Variants in PPP6R3 observed in about 807,000 individuals in gnomAD.
PPP6R3 encodes the protein serine/threonine-protein phosphatase 6 regulatory subunit 3.
PPP6R3 carries 38 observed loss-of-function variants against 110.7 expected under a neutral mutation model. The observed-to-expected ratio is 0.34, with a 90% CI of 0.26 to 0.45. The LOEUF (loss-of-function observed/expected upper bound fraction) is 0.45, where lower values mean the gene tolerates loss of function less well. Ranked by LOEUF, PPP6R3 falls within the 20% of genes least tolerant of loss-of-function variation. The pLI is 1.00. For missense variants in PPP6R3, 870 were observed against 1,062.4 expected (o/e 0.82, Z 2.52); for synonymous variants, 369 against 373.5 (o/e 0.99, Z 0.14).
chr11:68,544,051 T>A (rs2099334046), intron 3 of PPP6R3, among the ~76,000 whole-genome samples: 1 of 152,208 alleles, frequency 6.6e-6, no homozygotes, highest in South Asian at 2.1e-4. Flanking sequence ...ACTTTGTGTC[T>A]GTGCTGATAT....
intron 5 of PPP6R3, among the ~76,000 whole-genome samples, chr11:68,548,866 C>T (rs1255811547): frequency 3.3e-5 from 5 of 152,018 alleles, no homozygotes; most frequent in Admixed American, 3.3e-4. Flanking sequence ...TCTCTGCCTT[C>T]TCTTCTTGTC....
chr11:68,566,254 CTGCTGCTGT>C (rs972541274), intron 9 of PPP6R3, among the ~76,000 whole-genome samples: 14 of 152,232 alleles, frequency 9.2e-5, no homozygotes, highest in South Asian at 6.2e-4. Context: ...GCTGCTGCTG[CTGCTGCTGT>C]TGCTACTACT....
chr11:68,529,648 A>G (rs1404256810), intron 2 of PPP6R3, among the ~76,000 whole-genome samples: 1 of 152,234 alleles, frequency 6.6e-6, no homozygotes, highest in Non-Finnish European at 1.5e-5. Flanking sequence ...TGTTATTGCT[A>G]TAAATGTTTC....
intron 3 of PPP6R3, 63 bp from the exon 4 acceptor site, chr11:68,544,775 T>C (rs1233499927): frequency 8.6e-7 from 1 of 1,163,924 alleles, no homozygotes; most frequent in Non-Finnish European, 1.2e-6. Flanking sequence ...TTCTGATTTG[T>C]GTTTATCTTT....
At chr11:68,593,048 G>A (rs961070111) in intron 18 of PPP6R3, among the ~76,000 whole-genome samples, 3 of 152,144 alleles carry the variant, frequency 2.0e-5, no homozygotes, top group Non-Finnish European at 2.9e-5. Flanking sequence ...CATACTTGAC[G>A]TAAACTGCAT....
chr11:68,536,465 A>G (rs1269505960), intron 2 of PPP6R3, among the ~76,000 whole-genome samples: 1 of 151,920 alleles, frequency 6.6e-6, no homozygotes, highest in Non-Finnish European at 1.5e-5. Context: ...AGGTCTCACT[A>G]TGTTGTGTAG....
intron 10 of PPP6R3, among the ~76,000 whole-genome samples, chr11:68,568,162 A>G (rs1033098933): frequency 2.0e-5 from 3 of 152,000 alleles, no homozygotes; most frequent in Admixed American, 6.6e-5. Context: ...AGCAATTTGG[A>G]AAAAGAGATG....
chr11:68,571,271 T>C, intron 12 of PPP6R3, 167 bp downstream of exon 12: 1 of 1,015,132 alleles, frequency 9.9e-7, no homozygotes, highest in Non-Finnish European at 1.3e-6. Flanking sequence ...GTTTTTATAA[T>C]ACTAATAATT....
intron 1 of PPP6R3, among the ~76,000 whole-genome samples, chr11:68,478,845 A>G (rs111579757): frequency 0.01 from 1,560 of 151,620 alleles, 12 homozygotes; most frequent in African/African-American, 0.012. Flanking sequence ...TTCAGTAGAG[A>G]GGGGGTTTCA....
intron 5 of PPP6R3, among the ~76,000 whole-genome samples, chr11:68,550,224 G>A (rs1349664362): frequency 2.6e-5 from 4 of 152,128 alleles, no homozygotes; most frequent in Non-Finnish European, 5.9e-5. Flanking sequence ...TACCTCTGTG[G>A]TGCCTACCTA....
At chr11:68,468,553 C>T (rs1485663672) in intron 1 of PPP6R3, among the ~76,000 whole-genome samples, 2 of 152,166 alleles carry the variant, frequency 1.3e-5, no homozygotes, top group South Asian at 4.1e-4. Flanking sequence ...AGTACAGAAA[C>T]ACCTCCAAGG....
chr11:68,507,159 G>A (rs2099082789), intron 1 of PPP6R3, among the ~76,000 whole-genome samples: 2 of 151,608 alleles, frequency 1.3e-5, no homozygotes, highest in Admixed American at 1.3e-4. Flanking sequence ...TTTACTTCAA[G>A]TACTTTACAT....
intron 1 of PPP6R3, among the ~76,000 whole-genome samples, chr11:68,494,217 C>T (rs1393685599): frequency 6.6e-6 from 1 of 150,576 alleles, no homozygotes; most frequent in African/African-American, 2.4e-5. Context: ...GATTATTATA[C>T]ATTACATGCC....
chr11:68,519,995 G>C (rs1380753614), intron 2 of PPP6R3, among the ~76,000 whole-genome samples: 3 of 152,186 alleles, frequency 2.0e-5, no homozygotes, highest in African/African-American at 7.2e-5. Context: ...CCGGGACTCT[G>C]TCTGTGTGTT....
intron 1 of PPP6R3, among the ~76,000 whole-genome samples, chr11:68,474,152 C>T (rs1331782085): frequency 6.6e-6 from 1 of 151,834 alleles, no homozygotes; most frequent in Non-Finnish European, 1.5e-5. Context: ...TCAAGGAATC[C>T]TCTCGCTTCA....
intron 1 of PPP6R3, among the ~76,000 whole-genome samples, chr11:68,486,450 A>G (rs1394143468): frequency 2.6e-5 from 4 of 151,956 alleles, no homozygotes; most frequent in Non-Finnish European, 2.9e-5. Flanking sequence ...TTAAAAATAC[A>G]AAAAATTAGC....
At chr11:68,555,006 G>A (rs779322806) in intron 7 of PPP6R3, among the ~76,000 whole-genome samples, 24 of 152,084 alleles carry the variant, frequency 1.6e-4, no homozygotes, top group Admixed American at 1.3e-4. Flanking sequence ...CTATAATGCC[G>A]TTTTATTAAA....
In PPP6R3 at chr11:68,614,362, G is replaced by A. The variant is rs111277924; in HGVS notation, c.*1245G>A. ...GCAATATATTGTATATTGCCATATCGTCTGGTGAAAGGGTTAAATTACTTC... is the reference window on the plus strand; with the variant it reads ...GCAATATATTGTATATTGCCATATCATCTGGTGAAAGGGTTAAATTACTTC... On this transcript the variant is annotated 3_prime_UTR_variant, in exon 24 of 24. Transcript: ENST00000393800. 11 of 1,193,252 alleles carry A rather than the reference G, an allele frequency of 9.2e-6. No homozygotes were observed. The highest frequency in any genetic ancestry group is 9.0e-5 in the Admixed American group (2 of 22,148). 73.9% of individuals were successfully genotyped at this position (1,193,252 alleles called of 1,614,324 possible).
chr11:68,557,213 A>G (rs1452284081), intron 7 of PPP6R3, among the ~76,000 whole-genome samples: 1 of 152,244 alleles, frequency 6.6e-6, no homozygotes, highest in Non-Finnish European at 1.5e-5. Flanking sequence ...AGTGACTTTT[A>G]TAGTACTCTT....
Sources: gnomAD v4.1 joint callset for allele counts (sites outside exome capture counted in the v4.1 genomes callset) on GRCh38, gnomAD v4.1.1 for gene constraint, MANE v1.5 for transcripts, NCBI Gene and HGNC (gene_info 2026-07-23, HGNC 2026-07-21) for gene names.